The following AGMAT variants were observed in gnomAD, a reference collection of about 807,000 sequenced individuals.
The protein encoded by AGMAT is agmatinase (putative), also known as guanidino acid hydrolase, mitochondrial.
In AGMAT, 37 loss-of-function variants were observed where a neutral mutation model predicts 29.3. The ratio of observed to expected loss-of-function variants is 1.26; its 90% confidence interval spans 0.97 to 1.66. The LOEUF is 1.66. Among genes scored for constraint, AGMAT ranks in the 40% most tolerant of loss-of-function variants. The probability of loss-of-function intolerance (pLI) is 0.00; values close to 1 mark genes in which losing one functional copy is unlikely to be tolerated. For synonymous variants in AGMAT, 199 were observed against 200.8 expected (o/e 0.99, Z 0.08); for missense variants, 498 against 497.8 (o/e 1.00, Z 0.00).
At chr1:15,574,928 C>T (rs1338774031) in intron 5 of AGMAT, 87 bp from the exon 6 acceptor site, 4 of 1,050,022 alleles carry the variant, frequency 3.8e-6, no homozygotes, top group Admixed American at 3.9e-5. Context: ...CCCACGCCAC[C>T]CTTTGACTTG....
chr1:15,578,818 A>G (rs1401578986), intron 4 of AGMAT, 41 bp downstream of exon 4: 1 of 1,601,354 alleles, frequency 6.2e-7, no homozygotes, highest in Admixed American at 1.7e-5. Flanking sequence ...GGAGAGGAAG[A>G]CATTTTGAGG....
rs370906598 is a variant in AGMAT, at chr1:15,578,984, G to T, written c.595C>A (p.Leu199Ile). Residue 199 changes from leucine (L) to isoleucine (I), a missense_variant, in exon 4 of 7, where the codon CTC becomes ATC. Transcript: ENST00000375826. ...DTTDKALGEK[L>I]YHGAPFRRCV... Reference sequence around the variant, plus strand: ...CGGCGGAAGGGCGCCCCGTGGTAGAGCTTCTCTCCTAGGGCCTTGTCGGTC... The same window carrying T: ...CGGCGGAAGGGCGCCCCGTGGTAGATCTTCTCTCCTAGGGCCTTGTCGGTC... 98 of 1,614,032 alleles carry T rather than the reference G, an allele frequency of 6.1e-5. No homozygotes were observed. The highest frequency in any genetic ancestry group is 8.0e-5 in the Non-Finnish European group (94 of 1,180,032).
chr1:15,577,807 C>A lies in AGMAT; in HGVS notation c.778G>T (p.Gly260Trp), dbSNP rs765212237. 6.2e-7 allele frequency: 1 copy of A among 1,614,140 alleles called. No homozygotes were observed. Among genetic ancestry groups the A allele is most frequent in the Non-Finnish European group, 8.5e-7 (1 of 1,180,024 alleles). ...CCTCCCATCTGCTGCCTGACTTCCC[C>A]CATCAGAGGAACCAGCGACTTCATC... ...CWMKSLVPLM[G>W]EVRQQMGGKP... Residue 260 changes from glycine (G) to tryptophan (W), a missense_variant, in exon 5 of 7, where the codon GGG (glycine) becomes TGG (tryptophan). Coordinates refer to ENST00000375826, the MANE Select transcript of AGMAT (RefSeq NM_024758.5).
chr1:15,577,614 G>T, intron 5 of AGMAT, 71 bp downstream of exon 5: 1 of 1,428,982 alleles, frequency 7.0e-7, no homozygotes, highest in Non-Finnish European at 9.6e-7. Context: ...CTAAAGATTC[G>T]CTTCAAGTCC....
At chr1:15,573,997 A>G (rs145997166) in intron 6 of AGMAT, among the ~76,000 whole-genome samples, 18 of 152,324 alleles carry the variant, frequency 1.2e-4, no homozygotes, top group African/African-American at 4.1e-4. Context: ...AATGATGTGT[A>G]CTGTATTATC....
Position 15,584,694 on chromosome 1 carries a change from A to T in AGMAT, c.272+2T>A. ...ACCCGGCCCCCGTCCTTCCGGCCTT[A>T]CCTCGCCCCAGGCCGGTTGGAGGTC... On this transcript the variant is annotated splice_donor_variant, in intron 1 of 6. Transcript: ENST00000375826. LOFTEE classifies it high-confidence loss of function. 1 of 1,321,438 alleles carries T rather than the reference A, an allele frequency of 7.6e-7. No individual in the cohort carries two copies. The allele number at this position is 1,321,438 out of a possible 1,614,324, so 81.9% of individuals were successfully genotyped here.
chr1:15,580,004 C>T (rs1639089593), intron 3 of AGMAT, 90 bp downstream of exon 3: 3 of 1,194,200 alleles, frequency 2.5e-6, no homozygotes, highest in East Asian at 2.3e-5. Context: ...GAGCCAGCAG[C>T]AGTCACCTAA....
At chr1:15,575,586 A>G (rs1406730089) in intron 5 of AGMAT, 1 of 152,178 alleles carries the variant, frequency 6.6e-6, no homozygotes, top group East Asian at 1.9e-4. Context: ...GGAACAATAC[A>G]TAGGTCCTGC....
At chr1:15,574,926 A>C in intron 5 of AGMAT, 85 bp from the exon 6 acceptor site, 1 of 1,062,650 alleles carries the variant, frequency 9.4e-7, no homozygotes, top group Non-Finnish European at 1.4e-6. Flanking sequence ...AGCCCACGCC[A>C]CCCTTTGACT....
At chr1:15,579,139 C>A in intron 3 of AGMAT, 85 bp from the exon 4 acceptor site, 1 of 1,360,050 alleles carries the variant, frequency 7.4e-7, no homozygotes, top group South Asian at 1.3e-5. Context: ...AACTTGGTGA[C>A]AATTCACAGC....
chr1:15,578,056 T>TG (rs1235788129), intron 4 of AGMAT, among the ~76,000 whole-genome samples, 192 bp from the exon 5 acceptor site: 8 of 152,150 alleles, frequency 5.3e-5, no homozygotes, highest in Admixed American at 4.6e-4. Flanking sequence ...AGCTGACTGA[T>TG]GGAGTTGGAA....
chr1:15,577,267 C>T (rs1639053234), intron 5 of AGMAT, among the ~76,000 whole-genome samples: 1 of 152,046 alleles, frequency 6.6e-6, no homozygotes, highest in Admixed American at 6.6e-5. Context: ...GGCCTAGGTG[C>T]TCTGCTCTTA....
chr1:15,582,584 G>C (rs2103440072), intron 2 of AGMAT, among the ~76,000 whole-genome samples: 1 of 152,330 alleles, frequency 6.6e-6, no homozygotes, highest in Middle Eastern at 3.4e-3. Context: ...GTGAACAAGA[G>C]AAAAAGTGAG....
At chr1:15,581,171 GA>G (rs1292819569) in intron 2 of AGMAT, among the ~76,000 whole-genome samples, 1 of 151,838 alleles carries the variant, frequency 6.6e-6, no homozygotes, top group African/African-American at 2.4e-5. Context: ...AATACATTAA[GA>G]CCCCGTCTTT....
chr1:15,584,997 A>AG lies in AGMAT; in HGVS notation c.-31_-30insC. 10 of 1,291,106 alleles carry AG rather than the reference A, an allele frequency of 7.7e-6. No individual in the cohort carries two copies. The highest frequency in any genetic ancestry group is 9.8e-6 in the Non-Finnish European group (10 of 1,023,754). The allele number at this position is 1,291,106 out of a possible 1,614,324, so 80.0% of individuals were successfully genotyped here. ...GCGCGCGGCCAAGACCTCACCGACC[A>AG]AACCGCCCGCGAGGCCGCCGCGATC... On this transcript the variant is annotated 5_prime_UTR_variant, in exon 1 of 7. Transcript: ENST00000375826.
At chr1:15,578,704 A>G (rs1293555703) in intron 4 of AGMAT, among the ~76,000 whole-genome samples, 155 bp downstream of exon 4, 1 of 151,988 alleles carries the variant, frequency 6.6e-6, no homozygotes, top group Non-Finnish European at 1.5e-5. Context: ...CCTCACTCCT[A>G]TGCTCCTTAT....
At chr1:15,578,782 T>C (rs1418791506) in intron 4 of AGMAT, 77 bp downstream of exon 4, 1 of 1,507,678 alleles carries the variant, frequency 6.6e-7, no homozygotes, top group South Asian at 1.2e-5. Context: ...CCCCGCTCAA[T>C]CCCTGGCTGC....
At chr1:15,576,428 G>A (rs1370245025) in intron 5 of AGMAT, among the ~76,000 whole-genome samples, 1 of 148,848 alleles carries the variant, frequency 6.7e-6, no homozygotes, top group Admixed American at 6.7e-5. Context: ...TTGTTTGGTT[G>A]GTTGGTTGGT....
Position 15,578,763 on chromosome 1 carries a change from T to G in AGMAT, c.720+96A>C, listed in dbSNP as rs911537397. ...CTTGTATCCCTGCTTCAGACTTGAT[T>G]AGTAAAGCCCCCGCTCAATCCCTGG... On this transcript the variant is annotated intron_variant, in intron 4 of 6. Coordinates refer to ENST00000375826, the MANE Select transcript of AGMAT (RefSeq NM_024758.5). The G allele has an allele frequency of 3.0e-6, 4 of 1,341,746 alleles. No individual in the cohort carries two copies. The African/African-American group carries it at 5.8e-5, about 20-fold the overall frequency. 83.1% of individuals were successfully genotyped at this position (1,341,746 alleles called of 1,614,324 possible).
Sources: allele counts gnomAD v4.1 joint callset (sites outside exome capture counted in the v4.1 genomes callset), GRCh38; gene constraint gnomAD v4.1.1; transcripts MANE v1.5; gene names NCBI Gene and HGNC (gene_info 2026-07-23, HGNC 2026-07-21).